DNAL1: variants seen among roughly 807,000 people sequenced by gnomAD.
The protein encoded by DNAL1 is chromosome 14 open reading frame 168.
In DNAL1, 17 loss-of-function variants were observed where a neutral mutation model predicts 29.4. The observed-to-expected ratio is 0.58, with a 90% confidence interval of 0.40 to 0.87. DNAL1 has a LOEUF of 0.87. Ranked by LOEUF, DNAL1 falls within the 40% of genes least tolerant of loss-of-function variation. The pLI is 0.00. For synonymous variants in DNAL1, 78 were observed against 76.3 expected (o/e 1.02, Z -0.12); for missense variants, 188 against 214.1 (o/e 0.88, Z 0.76).
At chr14:73,656,089 A>G (rs2140028524) in intron 2 of DNAL1, among the ~76,000 whole-genome samples, 1 of 152,156 alleles carries the variant, frequency 6.6e-6, no homozygotes, top group South Asian at 2.1e-4. Context: ...ATAATAATGT[A>G]CCTTTTGCTT....
intron 3 of DNAL1, among the ~76,000 whole-genome samples, chr14:73,661,302 A>AGG (rs1382168619): frequency 6.6e-6 from 1 of 152,192 alleles, no homozygotes; most frequent in Non-Finnish European, 1.5e-5. Flanking sequence ...CTAAGTTAAC[A>AGG]GGTGTTTATA....
At chr14:73,653,087 A>G (rs1441672290) in intron 1 of DNAL1, 1 of 152,188 alleles carries the variant, frequency 6.6e-6, no homozygotes, top group East Asian at 1.9e-4. Context: ...TTTTATAGCA[A>G]AAGTTCCTGC....
intron 5 of DNAL1, among the ~76,000 whole-genome samples, chr14:73,676,058 T>G (rs2140046711): frequency 6.6e-6 from 1 of 151,542 alleles, no homozygotes; most frequent in South Asian, 2.1e-4. Context: ...ATATTTTTTT[T>G]TTGAGACGGA....
chr14:73,689,415 C>T lies in DNAL1; in HGVS notation c.432C>T (p.Asp144=), dbSNP rs1208595780. ...TGGCAGAACTGCCATGCCTCGAAGA[C>T]CTGGTGTTTGTAGGCAATCCCTTGG... ...VKLAELPCLE[D]LVFVGNPLEE... The change falls in exon 7 of 8, where the codon GAC becomes GAT. Residue 144 remains aspartate, a synonymous_variant. Coordinates refer to ENST00000553645, the MANE Select transcript of DNAL1 (RefSeq NM_031427.4). 1.3e-6 allele frequency: 2 copies of T among 1,555,028 alleles called. No homozygotes were observed. Among genetic ancestry groups the T allele is most frequent in the Non-Finnish European group, 1.7e-6 (2 of 1,148,870 alleles).
At chr14:73,682,337 ATTT>A (rs57403758) in intron 5 of DNAL1, among the ~76,000 whole-genome samples, 2 of 93,416 alleles carry the variant, frequency 2.1e-5, no homozygotes, top group African/African-American at 4.2e-5. Flanking sequence ...TGCCTGGCTA[ATTT>A]TTTTTTTTTT....
intron 4 of DNAL1, among the ~76,000 whole-genome samples, chr14:73,667,432 A>G (rs1477125404): frequency 6.6e-6 from 1 of 152,036 alleles, no homozygotes; most frequent in African/African-American, 2.4e-5. Flanking sequence ...ACTGGCCAAC[A>G]TCTCACACTT....
intron 7 of DNAL1, among the ~76,000 whole-genome samples, chr14:73,693,192 T>C (rs931865384): frequency 6.6e-6 from 1 of 152,162 alleles, no homozygotes; most frequent in Non-Finnish European, 1.5e-5. Context: ...CAAATGCTAG[T>C]GAGGATGTGA....
rs563516136 is a variant in DNAL1, at chr14:73,698,273, C to T, written c.*2331C>T. ...CATTCAACAAATCTTTGAATGACTT[C>T]TATGCATCCCTGTTCATGGAACCCA... On this transcript the variant is annotated 3_prime_UTR_variant, in exon 8 of 8. Transcript: ENST00000553645. The T allele has an allele frequency of 2.6e-5, 4 of 152,306 alleles. No individual in the cohort carries two copies. The highest frequency in any genetic ancestry group is 9.6e-5 in the African/African-American group (4 of 41,574). The allele number at this position is 152,306 out of a possible 1,614,324, so 9.4% of individuals were successfully genotyped here.
chr14:73,686,685 G>T (rs1259407446), intron 5 of DNAL1, among the ~76,000 whole-genome samples: 1 of 152,160 alleles, frequency 6.6e-6, no homozygotes, highest in African/African-American at 2.4e-5. Context: ...CCCAGTCTGG[G>T]TGACAGAGTG....
intron 5 of DNAL1, among the ~76,000 whole-genome samples, chr14:73,679,201 T>A (rs1891816849): frequency 1.3e-5 from 2 of 152,130 alleles, no homozygotes; most frequent in South Asian, 4.1e-4. Context: ...TTCACCATAT[T>A]GGCCGTGCTG....
rs946892764 is a variant in DNAL1, at chr14:73,677,558, A to T, written c.264+5961A>T. ...TATATATAAATATATTTATTTATTTATTTATTTATTTTTTTTGAGACGGAG... is the reference window on the plus strand; with the variant it reads ...TATATATAAATATATTTATTTATTTTTTTATTTATTTTTTTTGAGACGGAG... On this transcript the variant is annotated intron_variant, in intron 5 of 7. Transcript: ENST00000553645. 9.7e-3 allele frequency among the ~76,000 whole-genome samples: 1,439 copies of T among 147,902 alleles called. 28 individuals carry two copies. The highest frequency in any genetic ancestry group is 0.033 in the African/African-American group (1,329 of 40,570).
At chr14:73,662,225 C>G (rs996393295) in intron 4 of DNAL1, among the ~76,000 whole-genome samples, 183 bp downstream of exon 4, 4 of 152,138 alleles carry the variant, frequency 2.6e-5, no homozygotes, top group African/African-American at 9.7e-5. Context: ...AGCATGAGCT[C>G]TGAACGTTTT....
chr14:73,694,369 C>CA, intron 7 of DNAL1, among the ~76,000 whole-genome samples: 1 of 152,104 alleles, frequency 6.6e-6, no homozygotes, highest in South Asian at 2.1e-4. Flanking sequence ...TAAAAGTGTG[C>CA]AAGATGAGTT....
At chr14:73,658,977 T>A in intron 3 of DNAL1, 21 bp downstream of exon 3, 1 of 1,401,854 alleles carries the variant, frequency 7.1e-7, no homozygotes, top group South Asian at 1.7e-5. Flanking sequence ...TTTTCATCCT[T>A]CCAGTATTGC....
chr14:73,670,392 A>G (rs947924800), intron 4 of DNAL1, among the ~76,000 whole-genome samples: 3 of 152,258 alleles, frequency 2.0e-5, no homozygotes, highest in African/African-American at 7.2e-5. Flanking sequence ...AGTGACCACC[A>G]TATTAGACAA....
chr14:73,653,585 T>G (rs1371864456), intron 1 of DNAL1, among the ~76,000 whole-genome samples: 1 of 152,136 alleles, frequency 6.6e-6, no homozygotes, highest in Non-Finnish European at 1.5e-5. Flanking sequence ...ATTGAACTCC[T>G]GGCCTCAAGT....
chr14:73,675,958 G>C (rs900863903), intron 5 of DNAL1, among the ~76,000 whole-genome samples: 1 of 151,998 alleles, frequency 6.6e-6, no homozygotes, highest in Non-Finnish European at 1.5e-5. Context: ...GAGGATGCAG[G>C]AGCCGAGATT....
intron 7 of DNAL1, among the ~76,000 whole-genome samples, chr14:73,690,647 C>T (rs1434549390): frequency 6.8e-6 from 1 of 147,788 alleles, no homozygotes; most frequent in Middle Eastern, 3.2e-3. Flanking sequence ...AGCGAAACTC[C>T]GTCTCAAAAA....
At chr14:73,693,196 G>C (rs1288560780) in intron 7 of DNAL1, among the ~76,000 whole-genome samples, 2 of 152,166 alleles carry the variant, frequency 1.3e-5, no homozygotes, top group Non-Finnish European at 2.9e-5. Flanking sequence ...TGCTAGTGAG[G>C]ATGTGAAGCA....
Sources: allele counts gnomAD v4.1 joint callset (sites outside exome capture counted in the v4.1 genomes callset), GRCh38; gene constraint gnomAD v4.1.1; transcripts MANE v1.5; gene names NCBI Gene and HGNC (gene_info 2026-07-23, HGNC 2026-07-21).